The following BFSP1 variants were observed in gnomAD, a reference collection of about 807,000 sequenced individuals.
The protein encoded by BFSP1 is beaded filament structural protein 1.
In BFSP1, 38 loss-of-function variants were observed where a neutral mutation model predicts 43.9. That is an observed-to-expected ratio of 0.87 (90% CI 0.67 to 1.14). The LOEUF is 1.14. Ranked by LOEUF, BFSP1 falls within the 50% of genes most tolerant of loss-of-function variation. BFSP1 has a pLI of 0.00. For missense variants in BFSP1, 850 were observed against 875.1 expected, an observed-to-expected ratio of 0.97 and a Z score of 0.36; for synonymous variants, 352 against 354.8, an observed-to-expected ratio of 0.99 and a Z score of 0.09.
upstream of BFSP1, among the ~76,000 whole-genome samples, chr20:17,534,912 C>T (rs1359245975): frequency 1.3e-5 from 2 of 151,762 alleles, no homozygotes; most frequent in Non-Finnish European, 2.9e-5. Flanking sequence ...CCCAGCTACT[C>T]GGGAGGCTGA....
Position 17,531,190 on chromosome 20 carries a change from AGCCCCTGCAGCGCCGCCAGGCT to A in BFSP1, c.118_139del (p.Leu41AlafsTer90). On this transcript the variant is annotated frameshift_variant, in exon 1 of 8. Transcript: ENST00000377873. LOFTEE classifies it high-confidence loss of function. The stretch of plus-strand genomic sequence containing the variant: ...GACGTGGGCGGCCACGCGCTCGCCG[AGCCCCTGCAGCGCCGCCAGGCT>A]CGTTGCCCCAGCCCAGCCCTCGTCG... 1.5e-6 allele frequency: 2 copies of A among 1,296,926 alleles called. No individual in the cohort carries two copies. The highest frequency in any genetic ancestry group is 2.0e-6 in the Non-Finnish European group (2 of 1,024,572). 80.3% of individuals were successfully genotyped at this position (1,296,926 alleles called of 1,614,324 possible).
upstream of BFSP1, among the ~76,000 whole-genome samples, chr20:17,533,074 G>A (rs1568707019): frequency 1.3e-5 from 2 of 152,150 alleles, no homozygotes; most frequent in Admixed American, 6.5e-5. Flanking sequence ...GATTTGGCCA[G>A]GTGCAGTGGA....
At position 17,514,952 on chromosome 20, in the gene BFSP1, C is replaced by G. The variant is rs1207531682; in HGVS notation, c.439-136G>C. 8 of 727,822 alleles carry G rather than the reference C, an allele frequency of 1.1e-5. No individual in the cohort carries two copies. The South Asian group carries it at 1.3e-4, about 11-fold the overall frequency. The allele number at this position is 727,822 out of a possible 1,614,324, so 45.1% of individuals were successfully genotyped here. A position where few individuals can be genotyped will look rare whatever the true frequency, so the allele number is the denominator to read the frequency against. On this transcript the variant is annotated intron_variant, in intron 2 of 7. Coordinates refer to ENST00000377873, the MANE Select transcript of BFSP1 (RefSeq NM_001195.5). ...CTGGTTCAGTAGGTCTGGGAGGGGT[C>G]TGAGATTATGCATTCTAGCAAGGCA...
intron 1 of BFSP1, among the ~76,000 whole-genome samples, chr20:17,566,509 G>A (rs1412242217): frequency 1.3e-5 from 2 of 152,208 alleles, no homozygotes; most frequent in Non-Finnish European, 2.9e-5. Flanking sequence ...ACAAACAACA[G>A]CAATTTACTT....
intron 5 of BFSP1, chr20:17,506,752 T>G (rs773904094): frequency 6.6e-6 from 1 of 152,168 alleles, no homozygotes; most frequent in Non-Finnish European, 1.5e-5. Context: ...CTCAAATTCC[T>G]GGACTCGAGC....
chr20:17,549,586 A>C (rs2034861846), intron 1 of BFSP1, among the ~76,000 whole-genome samples: 1 of 152,202 alleles, frequency 6.6e-6, no homozygotes, highest in African/African-American at 2.4e-5. Flanking sequence ...CTGTAATCCC[A>C]GCACTTTGGG....
chr20:17,553,171 A>C (rs1358419400), intron 1 of BFSP1, among the ~76,000 whole-genome samples: 1 of 152,144 alleles, frequency 6.6e-6, no homozygotes, highest in African/African-American at 2.4e-5. Context: ...CAAGTAAGTA[A>C]AGTGTTTCAA....
At chr20:17,546,282 A>G (rs1418313865) in intron 1 of BFSP1, among the ~76,000 whole-genome samples, 1 of 152,224 alleles carries the variant, frequency 6.6e-6, no homozygotes, top group African/African-American at 2.4e-5. Context: ...ACTACCATTT[A>G]TAAAACCATC....
rs901298802 is a variant in BFSP1 at position 17,548,196 on chromosome 20, A to G, written c.2+10492T>C. Among the ~76,000 whole-genome samples the G allele has an allele frequency of 8.7e-5, 13 of 150,216 alleles. No homozygotes were observed. In the East Asian group the frequency reaches 1.7e-3, roughly 20 times the overall value. On this transcript the variant is annotated intron_variant, in intron 1 of 7. Transcript: ENST00000377868. Reference sequence around the variant, plus strand: ...AAAATAATGCAAAAAAAAAAAAAAAAAAAGAAAAACCCTCAAAAACGACAG... The same window carrying G: ...AAAATAATGCAAAAAAAAAAAAAAAGAAAGAAAAACCCTCAAAAACGACAG...
chr20:17,530,767 T>A (rs2034516033), intron 1 of BFSP1, among the ~76,000 whole-genome samples, 186 bp downstream of exon 1: 2 of 152,362 alleles, frequency 1.3e-5, no homozygotes, highest in Admixed American at 1.3e-4. Context: ...AACTGTGACG[T>A]GCCATCAAAA....
chr20:17,509,570 T>C (rs2034026291), intron 4 of BFSP1, among the ~76,000 whole-genome samples: 2 of 149,358 alleles, frequency 1.3e-5, no homozygotes, highest in Admixed American at 6.7e-5. Flanking sequence ...GGCTGTGCCA[T>C]GAACCTACTA....
chr20:17,535,861 G>T (rs938820077), upstream of BFSP1, among the ~76,000 whole-genome samples: 2 of 152,136 alleles, frequency 1.3e-5, no homozygotes, highest in Non-Finnish European at 2.9e-5. Flanking sequence ...GTGCAGAGAG[G>T]AGAATGGCTT....
intron 4 of BFSP1, among the ~76,000 whole-genome samples, 170 bp downstream of exon 4, chr20:17,511,806 A>G (rs1002352308): frequency 2.3e-4 from 35 of 152,252 alleles, no homozygotes; most frequent in Non-Finnish European, 7.3e-5. Flanking sequence ...TGGCATTTAC[A>G]GTACAAGTAA....
chr20:17,533,472 T>C (rs2034580671), upstream of BFSP1, among the ~76,000 whole-genome samples: 1 of 152,222 alleles, frequency 6.6e-6, no homozygotes, highest in Non-Finnish European at 1.5e-5. Context: ...CTTCCAGCTG[T>C]AGGTCTCCTT....
intron 2 of BFSP1, among the ~76,000 whole-genome samples, chr20:17,521,179 C>T (rs1220623530): frequency 6.6e-6 from 1 of 152,296 alleles, no homozygotes; most frequent in East Asian, 1.9e-4. Context: ...ATTCCTACTA[C>T]ATCAAAAGGC....
chr20:17,504,817 G>T (rs1479703780), intron 5 of BFSP1, among the ~76,000 whole-genome samples: 1 of 152,074 alleles, frequency 6.6e-6, no homozygotes, highest in Admixed American at 6.5e-5. Context: ...CTGAGGGCAC[G>T]ACACAGGCAG....
chr20:17,524,156 T>G (rs1266640115), intron 2 of BFSP1, among the ~76,000 whole-genome samples: 1 of 152,222 alleles, frequency 6.6e-6, no homozygotes, highest in Non-Finnish European at 1.5e-5. Context: ...CTTAAAGCTA[T>G]GTGCCATCCC....
At chr20:17,500,422 G>A (rs558647236) in intron 5 of BFSP1, among the ~76,000 whole-genome samples, 9 of 152,252 alleles carry the variant, frequency 5.9e-5, no homozygotes, top group African/African-American at 2.2e-4. Context: ...AATTCCTGTC[G>A]CCTTGTGACA....
chr20:17,538,125 G>GA (rs1245927195), intron 1 of BFSP1, among the ~76,000 whole-genome samples: 34 of 113,438 alleles, frequency 3.0e-4, no homozygotes, highest in Admixed American at 1.7e-3. Flanking sequence ...TGTCTCAAAA[G>GA]AAAAAAAAAA....
Sources: allele counts gnomAD v4.1 joint callset (sites outside exome capture counted in the v4.1 genomes callset), GRCh38; gene constraint gnomAD v4.1.1; transcripts MANE v1.5; gene names NCBI Gene and HGNC (gene_info 2026-07-23, HGNC 2026-07-21).